XPO1: variants seen among roughly 807,000 people sequenced by gnomAD.
XPO1 encodes exportin 1, also known as exportin-1.
Under a neutral mutation model 133.3 loss-of-function variants are expected in XPO1, and 5 were observed. The observed-to-expected ratio is 0.04, with a 90% CI of 0.02 to 0.08. The LOEUF (loss-of-function observed/expected upper bound fraction) is 0.08, where lower values mean the gene tolerates loss of function less well. Among genes scored for constraint, XPO1 ranks in the 10% least tolerant of loss-of-function variants. The probability of loss-of-function intolerance (pLI) is 1.00; values close to 1 mark genes in which losing one functional copy is unlikely to be tolerated. For missense variants in XPO1, 506 were observed against 1,267.5 expected, an observed-to-expected ratio of 0.40 and a Z score of 9.12; for synonymous variants, 419 against 408.2, an observed-to-expected ratio of 1.03 and a Z score of -0.32.
chr2:61,526,217 C>A, intron 3 of XPO1: 1 of 1,378,154 alleles, frequency 7.3e-7, no homozygotes, highest in Non-Finnish European at 9.3e-7. Context: ...ACCTTGCATA[C>A]TAGTCCCATT....
Position 61,488,853 on chromosome 2 carries a change from G to A in XPO1, c.2023-82C>T, listed in dbSNP as rs1478915300. The stretch of plus-strand genomic sequence containing the variant: ...ACAGTGGCTCACGCCTGTAATCCCA[G>A]CACTCTGAGAGGCCGAGGCGGGCGG... On this transcript the variant is annotated intron_variant, in intron 17 of 24. Coordinates refer to ENST00000401558, the MANE Select transcript of XPO1 (RefSeq NM_003400.4). 1.4e-5 allele frequency: 21 copies of A among 1,489,910 alleles called. No individual in the cohort carries two copies. The African/African-American group carries it at 2.5e-4, about 18-fold the overall frequency. The allele number at this position is 1,489,910 out of a possible 1,614,324, so 92.3% of individuals were successfully genotyped here. A position where few individuals can be genotyped will look rare whatever the true frequency, so the allele number is the denominator to read the frequency against.
chr2:61,490,450 C>T (rs1000177323), intron 17 of XPO1, among the ~76,000 whole-genome samples, 192 bp downstream of exon 17: 1 of 152,136 alleles, frequency 6.6e-6, no homozygotes, highest in Non-Finnish European at 1.5e-5. Flanking sequence ...CCGCCCGCCT[C>T]GGCCTTCCAA....
Position 61,478,809 on chromosome 2 carries a change from G to T in XPO1, c.*11C>A. ...GAGTTGCAGAGAAAAAAAACAGCATGAATTTGGATTTTAATCACACATTTC... is the reference window on the plus strand; with the variant it reads ...GAGTTGCAGAGAAAAAAAACAGCATTAATTTGGATTTTAATCACACATTTC... On this transcript the variant is annotated 3_prime_UTR_variant, in exon 25 of 25. Transcript: ENST00000401558. The T allele has an allele frequency of 6.2e-7, 1 of 1,611,956 alleles. No individual in the cohort carries two copies. The highest frequency in any genetic ancestry group is 1.1e-5 in the South Asian group (1 of 90,574).
chr2:61,533,670 A>G, intron 2 of XPO1, 102 bp downstream of exon 2: 1 of 1,264,828 alleles, frequency 7.9e-7, no homozygotes, highest in Non-Finnish European at 1.0e-6. Flanking sequence ...AATGCAAACT[A>G]TGGAATATCT....
intron 21 of XPO1, 178 bp from the exon 22 acceptor site, chr2:61,483,269 T>G (rs996936490): frequency 1.7e-6 from 1 of 580,128 alleles, no homozygotes; most frequent in East Asian, 3.2e-5. Flanking sequence ...CTATATCCAA[T>G]GCTGGCTTAC....
At chr2:61,528,989 T>C (rs1448742134) in intron 2 of XPO1, among the ~76,000 whole-genome samples, 2 of 152,020 alleles carry the variant, frequency 1.3e-5, no homozygotes, top group Non-Finnish European at 2.9e-5. Context: ...GGCTCATGTC[T>C]GTAATCCCAG....
chr2:61,520,464 G>A (rs959034446), intron 4 of XPO1, among the ~76,000 whole-genome samples: 1 of 151,674 alleles, frequency 6.6e-6, no homozygotes, highest in African/African-American at 2.4e-5. Flanking sequence ...GCAACACAGC[G>A]AGACACCATC....
chr2:61,483,352 T>C, intron 21 of XPO1: 2 of 344,390 alleles, frequency 5.8e-6, no homozygotes, highest in Middle Eastern at 8.8e-4. Flanking sequence ...ATAATGGACT[T>C]TGGGGACTTG....
At chr2:61,491,806 G>A (rs1697012829) in intron 16 of XPO1, among the ~76,000 whole-genome samples, 1 of 152,054 alleles carries the variant, frequency 6.6e-6, no homozygotes, top group Non-Finnish European at 1.5e-5. Context: ...AGGCCAAGGT[G>A]GGAGGATCAC....
intron 2 of XPO1, 134 bp downstream of exon 2, chr2:61,533,638 G>C: frequency 9.2e-7 from 1 of 1,090,716 alleles, no homozygotes; most frequent in Non-Finnish European, 1.2e-6. Context: ...TTTTCATTAT[G>C]GTTAATACAG....
rs6710399 is a variant in XPO1 at position 61,505,361 on chromosome 2, A to T, written c.302-3051T>A. 2.5e-3 allele frequency among the ~76,000 whole-genome samples: 374 copies of T among 151,384 alleles called. 1 individual carries two copies. Among genetic ancestry groups the T allele is most frequent in the African/African-American group, 8.0e-3 (329 of 41,288 alleles). ...TTTAAATGAACACTAAATTATAAGAATTAACTTGGGTAATCTATGCAACAT... is the reference window on the plus strand; with the variant it reads ...TTTAAATGAACACTAAATTATAAGATTTAACTTGGGTAATCTATGCAACAT... On this transcript the variant is annotated intron_variant, in intron 4 of 24. Coordinates refer to ENST00000401558, the MANE Select transcript of XPO1 (RefSeq NM_003400.4).
chr2:61,493,757 A>T (rs912287717), intron 12 of XPO1, 137 bp downstream of exon 12: 4 of 885,098 alleles, frequency 4.5e-6, no homozygotes, highest in Non-Finnish European at 1.8e-6. Flanking sequence ...TTCATGTTCT[A>T]GTTTTCCACA....
chr2:61,487,309 A>G (rs1300399507), intron 19 of XPO1, among the ~76,000 whole-genome samples: 1 of 152,204 alleles, frequency 6.6e-6, no homozygotes, highest in Non-Finnish European at 1.5e-5. Flanking sequence ...CTTCTTGTAA[A>G]TTACAAACAT....
At chr2:61,536,210 G>T (rs1294467863) in intron 1 of XPO1, 1 of 152,164 alleles carries the variant, frequency 6.6e-6, no homozygotes, top group African/African-American at 2.4e-5. Flanking sequence ...ACCTATTCCT[G>T]AACTGTACAT....
chr2:61,506,153 G>A (rs530894272), intron 4 of XPO1, among the ~76,000 whole-genome samples: 40 of 152,298 alleles, frequency 2.6e-4, no homozygotes, highest in Middle Eastern at 6.8e-3. Flanking sequence ...CGGACGGATG[G>A]CTCACGCCTG....
At chr2:61,488,493 T>C in intron 18 of XPO1, 95 bp downstream of exon 18, 1 of 1,381,906 alleles carries the variant, frequency 7.2e-7, no homozygotes, top group Non-Finnish European at 9.9e-7. Context: ...GAGGTCTGAT[T>C]TAAATCTGTA....
At chr2:61,522,530 A>G (rs1299002327) in intron 4 of XPO1, 81 bp downstream of exon 4, 1 of 1,199,756 alleles carries the variant, frequency 8.3e-7, no homozygotes, top group Non-Finnish European at 1.2e-6. Context: ...AAGATTCATT[A>G]CATGCCCCCT....
intron 2 of XPO1, among the ~76,000 whole-genome samples, chr2:61,530,500 T>A (rs897742699): frequency 7.2e-5 from 11 of 152,198 alleles, no homozygotes; most frequent in Admixed American, 5.2e-4. Flanking sequence ...TCAAGATCTT[T>A]AACAGAACAC....
chr2:61,528,412 A>C (rs1333214744), intron 2 of XPO1, among the ~76,000 whole-genome samples: 1 of 152,010 alleles, frequency 6.6e-6, no homozygotes, highest in Non-Finnish European at 1.5e-5. Flanking sequence ...AGGTGAGCAG[A>C]TCACAAGGTC....
Sources: allele counts gnomAD v4.1 joint callset (sites outside exome capture counted in the v4.1 genomes callset), GRCh38; gene constraint gnomAD v4.1.1; transcripts MANE v1.5; gene names NCBI Gene and HGNC (gene_info 2026-07-23, HGNC 2026-07-21).